The following HSD17B2 variants were observed in gnomAD, a reference collection of about 807,000 sequenced individuals.
The protein encoded by HSD17B2 is hydroxysteroid 17-beta dehydrogenase 2, also known as 17-beta-hydroxysteroid dehydrogenase type 2.
Under a neutral mutation model 26.9 loss-of-function variants are expected in HSD17B2, and 32 were observed. The ratio of observed to expected loss-of-function variants is 1.19; its 90% CI spans 0.90 to 1.60. HSD17B2 has a LOEUF of 1.60. Ranked by LOEUF, HSD17B2 falls within the 40% of genes most tolerant of loss-of-function variation. The probability of loss-of-function intolerance (pLI) is 0.00; values close to 1 mark genes in which losing one functional copy is unlikely to be tolerated. For missense variants in HSD17B2, 613 were observed against 468.6 expected, an observed-to-expected ratio of 1.31 and a Z score of -2.85; for synonymous variants, 246 against 186.7, an observed-to-expected ratio of 1.32 and a Z score of -2.59.
At chr16:82,069,593 C>T (rs575161455) in intron 2 of HSD17B2, among the ~76,000 whole-genome samples, 1 of 152,306 alleles carries the variant, frequency 6.6e-6, no homozygotes, top group African/African-American at 2.4e-5. Context: ...CTCTGTCTCC[C>T]CACAAATACA....
At chr16:82,072,611 T>G (rs113805475) in intron 3 of HSD17B2, among the ~76,000 whole-genome samples, 1 of 152,230 alleles carries the variant, frequency 6.6e-6, no homozygotes, top group Non-Finnish European at 1.5e-5. Flanking sequence ...TTCACTCATA[T>G]GAGTTCACTT....
chr16:82,095,809 A>G (rs1310890085), intron 4 of HSD17B2: 1 of 152,246 alleles, frequency 6.6e-6, no homozygotes, highest in African/African-American at 2.4e-5. Flanking sequence ...TTCATGGAAA[A>G]TATAAACACC....
At chr16:82,039,192 T>C (rs890456170) in intron 1 of HSD17B2, among the ~76,000 whole-genome samples, 7 of 151,988 alleles carry the variant, frequency 4.6e-5, no homozygotes, top group African/African-American at 1.2e-4. Flanking sequence ...GTGTAAACTT[T>C]GGTGCTCGGT....
At chr16:82,049,033 A>G (rs944919619) in intron 1 of HSD17B2, among the ~76,000 whole-genome samples, 14 of 152,220 alleles carry the variant, frequency 9.2e-5, no homozygotes, top group African/African-American at 3.4e-4. Context: ...AGGTAGTCCC[A>G]TGTTGAGCTT....
intron 3 of HSD17B2, among the ~76,000 whole-genome samples, chr16:82,084,803 G>C (rs949053108): frequency 6.6e-6 from 1 of 152,162 alleles, no homozygotes; most frequent in Non-Finnish European, 1.5e-5. Context: ...CACGATAGTA[G>C]CTCTCTATAA....
intron 2 of HSD17B2, among the ~76,000 whole-genome samples, chr16:82,069,336 C>A (rs1237824546): frequency 2.0e-5 from 3 of 152,144 alleles, no homozygotes; most frequent in Non-Finnish European, 2.9e-5. Context: ...TGGGTTGATT[C>A]CATGTCTTTG....
chr16:82,083,921 G>A (rs971164869), intron 3 of HSD17B2, among the ~76,000 whole-genome samples: 5 of 152,174 alleles, frequency 3.3e-5, no homozygotes, highest in African/African-American at 9.7e-5. Flanking sequence ...TCAGAGGCAT[G>A]GGAGGCAACT....
chr16:82,090,105 C>T (rs1904640557), intron 3 of HSD17B2: 1 of 373,800 alleles, frequency 2.7e-6, no homozygotes, highest in Non-Finnish European at 3.7e-6. Context: ...CCCACCATTT[C>T]CCAGGATGTA....
At chr16:82,060,196 C>G (rs4453484) in intron 1 of HSD17B2, among the ~76,000 whole-genome samples, 1 of 152,180 alleles carries the variant, frequency 6.6e-6, no homozygotes, top group Non-Finnish European at 1.5e-5. Flanking sequence ...AAGTCTTAAA[C>G]TAAAGGGTGG....
rs746517736 is a variant in HSD17B2, at chr16:82,035,582, C to T, written c.158C>T (p.Ser53Phe). 1.2e-5 allele frequency: 19 copies of T among 1,613,894 alleles called. No individual in the cohort carries two copies. Among genetic ancestry groups the T allele is most frequent in the South Asian group, 3.3e-5 (3 of 91,080 alleles). ...TGTGCAGTCTGCCTGCTCATCCTGT[C>T]CCCTTTTTGGGGCTTGATCCTCTTC... ...GLCAVCLLIL[S>F]PFWGLILFSV... Residue 53 changes from serine to phenylalanine, a missense_variant, in exon 1 of 5, where the codon TCC becomes TTC. By Grantham distance (155) the Ser-to-Phe change is radical (BLOSUM62 -2). Coordinates refer to ENST00000199936, the MANE Select transcript of HSD17B2 (RefSeq NM_002153.3).
intron 3 of HSD17B2, among the ~76,000 whole-genome samples, chr16:82,089,637 G>A (rs1904626507): frequency 6.6e-6 from 1 of 152,144 alleles, no homozygotes; most frequent in Non-Finnish European, 1.5e-5. Context: ...TAAACCAAGT[G>A]TTAGCAGGGC....
rs150453520 is a variant in HSD17B2, at chr16:82,057,909, A to C, written c.266-10261A>C. Among the ~76,000 whole-genome samples the C allele has an allele frequency of 3.9e-5, 6 of 152,314 alleles. No individual in the cohort carries two copies. The East Asian group carries it at 9.7e-4, about 25-fold the overall frequency. ...CAGACAGGATCACTAAATGTAACACAATGTCCTGAACAGGATCCTACAGCA... is the reference window on the plus strand; with the variant it reads ...CAGACAGGATCACTAAATGTAACACCATGTCCTGAACAGGATCCTACAGCA... On this transcript the variant is annotated intron_variant, in intron 1 of 4. Transcript: ENST00000199936.
At chr16:82,091,538 T>C (rs1904694834) in intron 4 of HSD17B2, 4 of 171,968 alleles carry the variant, frequency 2.3e-5, no homozygotes, top group Admixed American at 2.3e-4. Context: ...AGTAAGTATT[T>C]CAGGAAAGGG....
At chr16:82,036,320 T>TTGTG (rs10609893) in intron 1 of HSD17B2, among the ~76,000 whole-genome samples, 4,903 of 145,822 alleles carry the variant, frequency 0.034, 90 homozygotes, top group African/African-American at 0.057. Context: ...TTTCCCTTGT[T>TTGTG]TGTGTGTGTG....
chr16:82,042,734 G>A (rs2143916311), intron 1 of HSD17B2, among the ~76,000 whole-genome samples: 1 of 152,178 alleles, frequency 6.6e-6, no homozygotes. Flanking sequence ...CAATTCTCCT[G>A]CCTCAGCCTC....
At chr16:82,053,830 G>A (rs1414321662) in intron 1 of HSD17B2, among the ~76,000 whole-genome samples, 1 of 152,186 alleles carries the variant, frequency 6.6e-6, no homozygotes, top group Non-Finnish European at 1.5e-5. Flanking sequence ...GATGGTACTG[G>A]ACTGGTAGAG....
intron 3 of HSD17B2, among the ~76,000 whole-genome samples, chr16:82,088,823 C>T (rs1003735148): frequency 6.6e-5 from 10 of 152,150 alleles, no homozygotes; most frequent in African/African-American, 2.4e-4. Flanking sequence ...ATCAGTTAAG[C>T]CTTGGGACCT....
At position 82,084,795 on chromosome 16, in the gene HSD17B2, C is replaced by T. The variant is rs564328285; in HGVS notation, c.665-6107C>T. Among the ~76,000 whole-genome samples the T allele has an allele frequency of 4.1e-4, 63 of 152,288 alleles. 1 individual carries two copies. Among genetic ancestry groups the T allele is most frequent in the African/African-American group, 1.4e-3 (57 of 41,568 alleles). ...GTGCCCAGGTTGGAGTGCAGTGGCA[C>T]GATAGTAGCTCTCTATAACCTTGAA... On this transcript the variant is annotated intron_variant, in intron 3 of 4. Coordinates refer to ENST00000199936, the MANE Select transcript of HSD17B2 (RefSeq NM_002153.3).
At chr16:82,065,731 C>G (rs535831386) in intron 1 of HSD17B2, among the ~76,000 whole-genome samples, 7 of 152,348 alleles carry the variant, frequency 4.6e-5, no homozygotes, top group African/African-American at 1.7e-4. Context: ...TCTCTGCTGA[C>G]ACAGATGAAG....
Sources: allele counts gnomAD v4.1 joint callset (sites outside exome capture counted in the v4.1 genomes callset), GRCh38; gene constraint gnomAD v4.1.1; transcripts MANE v1.5; gene names NCBI Gene and HGNC (gene_info 2026-07-23, HGNC 2026-07-21).